Variants in DRGX observed in about 807,000 individuals in gnomAD.
DRGX encodes dorsal root ganglia homeobox protein.
A neutral mutation model predicts 28.6 loss-of-function variants in DRGX; 21 were observed. That is an observed-to-expected ratio of 0.73 (90% CI 0.52 to 1.06). The LOEUF is 1.06. Ranked by LOEUF, DRGX falls within the 50% of genes least tolerant of loss-of-function variation. The pLI, the probability that DRGX is intolerant of heterozygous loss-of-function variation, is 0.00. For missense variants in DRGX, 354 were observed against 343.9 expected (o/e 1.03, Z -0.23); for synonymous variants, 136 against 139.1 (o/e 0.98, Z 0.16).
chr10:49,380,471 G>A (rs1772521967), intron 6 of DRGX, among the ~76,000 whole-genome samples: 1 of 152,186 alleles, frequency 6.6e-6, no homozygotes, highest in African/African-American at 2.4e-5. Flanking sequence ...AAAATTCTTT[G>A]TATTGGGACA....
rs746490114 is a variant in DRGX, at chr10:49,386,800, T to G, written c.293A>C (p.Gln98Pro). 2 of 1,604,744 alleles carry G rather than the reference T, an allele frequency of 1.2e-6. No homozygotes were observed. Among genetic ancestry groups the G allele is most frequent in the South Asian group, 2.2e-5 (2 of 89,640 alleles). ...CATGGGCTCCTTGGCTCCTGGCTCCTGGTCTGAGGCCCCTCTCTCTGTCTT... is the reference window on the plus strand; with the variant it reads ...CATGGGCTCCTTGGCTCCTGGCTCCGGGTCTGAGGCCCCTCTCTCTGTCTT... ...WRKTERGASD[Q>P]EPGAKEPMAE... Residue 98 changes from glutamine to proline, a missense_variant, in exon 5 of 7, where the codon CAG becomes CCG. Physicochemically the swap from Gln to Pro is moderately conservative, Grantham distance 76 (BLOSUM62 -1). Transcript: ENST00000374139.
rs116771518 is a variant in DRGX, at chr10:49,380,340, T to C, written c.526+6138A>G. 5.9e-3 allele frequency among the ~76,000 whole-genome samples: 897 copies of C among 152,296 alleles called. 10 individuals carry two copies. The highest frequency in any genetic ancestry group is 0.02 in the African/African-American group (846 of 41,572). On this transcript the variant is annotated intron_variant, in intron 6 of 6. Coordinates refer to ENST00000374139, the MANE Select transcript of DRGX (RefSeq NM_001276451.2). Reference sequence around the variant, plus strand: ...GACTGTGGCTCTCCAGCCCCAGCCATTCCTGCCCTGCCTGTGGCCAGCACT... The same window carrying C: ...GACTGTGGCTCTCCAGCCCCAGCCACTCCTGCCCTGCCTGTGGCCAGCACT...
At chr10:49,385,566 T>G (rs577242930) in intron 6 of DRGX, among the ~76,000 whole-genome samples, 1 of 152,138 alleles carries the variant, frequency 6.6e-6, no homozygotes, top group African/African-American at 2.4e-5. Flanking sequence ...CAACACAGAT[T>G]GCCACACTGT....
At chr10:49,391,014 T>C in intron 3 of DRGX, 150 bp downstream of exon 3, 1 of 903,240 alleles carries the variant, frequency 1.1e-6, no homozygotes, top group Non-Finnish European at 1.7e-6. Flanking sequence ...AAATTTTGAT[T>C]CCATGGCACA....
chr10:49,366,140 C>G lies in DRGX; in HGVS notation c.768G>C (p.Gln256His), dbSNP rs772526015. ...CTCATACACTCTTCTCTGCCTCGCT[C>G]TGTTCCTTGGTGGGAGAGGTCTTTT... is the stretch of plus-strand genomic sequence containing the variant. ...SQEKTSPTKE[Q>H]SEAEKSV Residue 256 changes from glutamine (Q) to histidine (H), a missense_variant, in exon 7 of 7, where the codon CAG becomes CAC. By Grantham distance (24) the Gln-to-His change is conservative. Transcript: ENST00000374139. 37 of 1,604,906 alleles carry G rather than the reference C, an allele frequency of 2.3e-5. No individual in the cohort carries two copies. Among genetic ancestry groups the G allele is most frequent in the Non-Finnish European group, 3.1e-5 (36 of 1,174,694 alleles).
chr10:49,372,201 A>C (rs1458491997), intron 6 of DRGX, among the ~76,000 whole-genome samples: 3 of 152,220 alleles, frequency 2.0e-5, no homozygotes, highest in Non-Finnish European at 2.9e-5. Context: ...GTTGGCCGTG[A>C]GAGGAGCTAG....
chr10:49,390,098 T>C (rs200215470), intron 4 of DRGX, 35 bp downstream of exon 4: 361 of 1,556,804 alleles, frequency 2.3e-4, no homozygotes, highest in Non-Finnish European at 3.0e-4. Flanking sequence ...CCAGTTTTAA[T>C]ATTAGAGAGT....
At chr10:49,395,322 A>G (rs1849955303) in intron 2 of DRGX, 85 bp downstream of exon 2, 7 of 1,514,260 alleles carry the variant, frequency 4.6e-6, no homozygotes, top group Middle Eastern at 3.7e-4. Context: ...GCGGGGACCC[A>G]GCCACCCACC....
At chr10:49,375,189 T>C (rs572230794) in intron 6 of DRGX, among the ~76,000 whole-genome samples, 1 of 152,330 alleles carries the variant, frequency 6.6e-6, no homozygotes, top group South Asian at 2.1e-4. Context: ...CCTCCTCTTG[T>C]TTTATGGTTT....
At position 49,395,842 on chromosome 10, in the gene DRGX, G is replaced by A. The variant is rs187509636; in HGVS notation, c.-82+93C>T. 2.0e-3 allele frequency: 530 copies of A among 263,210 alleles called. 3 individuals carry two copies. The highest frequency in any genetic ancestry group is 0.012 in the African/African-American group (502 of 43,050). 16.3% of individuals were successfully genotyped at this position (263,210 alleles called of 1,614,324 possible). A position where few individuals can be genotyped will look rare whatever the true frequency, so the allele number is the denominator to read the frequency against. The stretch of plus-strand genomic sequence containing the variant: ...CAGCCAGGTCCGGCTAGCGCGCAAG[G>A]CCATCTGCGAGCTGCAGCTCAGGCC... On this transcript the variant is annotated intron_variant, in intron 1 of 6. Coordinates refer to ENST00000374139, the MANE Select transcript of DRGX (RefSeq NM_001276451.2).
At chr10:49,395,358 C>T in intron 2 of DRGX, 49 bp downstream of exon 2, 1 of 1,545,708 alleles carries the variant, frequency 6.5e-7, no homozygotes, top group Non-Finnish European at 8.7e-7. Context: ...CCGGCCCTTT[C>T]TGGCCGGCTC....
intron 1 of DRGX, 30 bp from the exon 2 acceptor site, chr10:49,395,551 G>C (rs1206659017): frequency 7.6e-7 from 1 of 1,321,424 alleles, no homozygotes; most frequent in Non-Finnish European, 1.1e-6. Flanking sequence ...AGAGCTTCAA[G>C]TCTCCCTCTG....
chr10:49,385,577 G>A lies in DRGX; in HGVS notation c.526+901C>T, dbSNP rs966148998. Among the ~76,000 whole-genome samples, 5 of 152,284 alleles carry A rather than the reference G, an allele frequency of 3.3e-5. No homozygotes were observed. In the East Asian group the frequency reaches 5.8e-4, roughly 18 times the overall value. ...TTTGCAACACAGATTGCCACACTGT[G>A]TGTGTGTGTGTGTATGTGTGTGTCC... On this transcript the variant is annotated intron_variant, in intron 6 of 6. Coordinates refer to ENST00000374139, the MANE Select transcript of DRGX (RefSeq NM_001276451.2).
intron 6 of DRGX, among the ~76,000 whole-genome samples, chr10:49,377,933 C>A (rs1199957785): frequency 6.6e-6 from 1 of 152,166 alleles, no homozygotes; most frequent in Non-Finnish European, 1.5e-5. Context: ...GGCCCATCTC[C>A]TCATGATCAT....
chr10:49,393,422 G>A (rs1024322437), intron 2 of DRGX, among the ~76,000 whole-genome samples: 6 of 152,170 alleles, frequency 3.9e-5, no homozygotes, highest in African/African-American at 1.4e-4. Flanking sequence ...GGTGGAAAAG[G>A]AGGATTTTGC....
intron 3 of DRGX, among the ~76,000 whole-genome samples, 161 bp from the exon 4 acceptor site, chr10:49,390,395 G>A (rs1590371032): frequency 6.6e-6 from 1 of 152,204 alleles, no homozygotes; most frequent in South Asian, 2.1e-4. Flanking sequence ...CCCACAGAAT[G>A]AGAATTTCAA....
intron 6 of DRGX, among the ~76,000 whole-genome samples, chr10:49,382,645 T>C (rs1485656259): frequency 6.6e-6 from 1 of 152,170 alleles, no homozygotes. Context: ...GTCAGAAAGC[T>C]GTGCTGGCTC....
chr10:49,390,840 G>A (rs139174756), intron 3 of DRGX, among the ~76,000 whole-genome samples: 3 of 152,316 alleles, frequency 2.0e-5, no homozygotes, highest in African/African-American at 4.8e-5. Flanking sequence ...TACTGAGAAT[G>A]AGAATGTCTG....
intron 6 of DRGX, among the ~76,000 whole-genome samples, chr10:49,371,400 C>A (rs556499379): frequency 6.6e-6 from 1 of 152,136 alleles, no homozygotes; most frequent in Non-Finnish European, 1.5e-5. Context: ...CACCTGTATT[C>A]CCAGCACTTT....
Sources: gnomAD v4.1 joint callset for allele counts (sites outside exome capture counted in the v4.1 genomes callset) on GRCh38, gnomAD v4.1.1 for gene constraint, MANE v1.5 for transcripts, NCBI Gene and HGNC (gene_info 2026-07-23, HGNC 2026-07-21) for gene names.